TMTC1: variants seen among roughly 807,000 people sequenced by gnomAD.
TMTC1 encodes the protein protein O-mannosyl-transferase TMTC1.
In TMTC1, 73 loss-of-function variants were observed where a neutral mutation model predicts 104.8. That is an observed-to-expected ratio of 0.70 (90% CI 0.58 to 0.85). The LOEUF is 0.85. TMTC1 is among the 40% of genes least tolerant of loss of function. The pLI, the probability that TMTC1 is intolerant of heterozygous loss-of-function variation, is 0.00. For synonymous variants in TMTC1, 434 were observed against 428.7 expected (o/e 1.01, Z -0.15); for missense variants, 1,035 against 1,096.1 (o/e 0.94, Z 0.79).
chr12:29,512,388 A>G (rs1943863978), intron 16 of TMTC1, among the ~76,000 whole-genome samples: 1 of 152,208 alleles, frequency 6.6e-6, no homozygotes, highest in Admixed American at 6.5e-5. Flanking sequence ...GGTGATTTCT[A>G]TTATATCACA....
chr12:29,783,326 G>T lies in TMTC1; in HGVS notation c.302+124C>A. The T allele has an allele frequency of 1.2e-6, 1 of 821,160 alleles. No individual in the cohort carries two copies. The highest frequency in any genetic ancestry group is 1.6e-6 in the Non-Finnish European group (1 of 608,282). The allele number at this position is 821,160 out of a possible 1,614,324, so 50.9% of individuals were successfully genotyped here. A position where few individuals can be genotyped will look rare whatever the true frequency, so the allele number is the denominator to read the frequency against. ...CCATGCACATCCTGGAGAGGAGGGAGGCGTGGAGGGAAAGGGCGGCAAAAA... is the reference window on the plus strand; with the variant it reads ...CCATGCACATCCTGGAGAGGAGGGATGCGTGGAGGGAAAGGGCGGCAAAAA... On this transcript the variant is annotated intron_variant, in intron 1 of 17. Transcript: ENST00000539277. This position sits in a 1 kb window ranked among gnomAD's most constrained non-coding sequence, Gnocchi z 4.7.
rs181021393 is a variant in TMTC1 at position 29,653,957 on chromosome 12, C to T, written c.939-20621G>A. Among the ~76,000 whole-genome samples, 3 of 152,320 alleles carry T rather than the reference C, an allele frequency of 2.0e-5. No homozygotes were observed. The East Asian group carries it at 5.8e-4, about 29-fold the overall frequency. On this transcript the variant is annotated intron_variant, in intron 5 of 17. Transcript: ENST00000539277. ...ATAATCTTCATACAAATACACAGCA[C>T]AAACTAAAGTTTTGTATAACTCGTA...
intron 6 of TMTC1, among the ~76,000 whole-genome samples, chr12:29,618,633 G>A (rs1269720005): frequency 6.6e-6 from 1 of 151,098 alleles, no homozygotes; most frequent in Non-Finnish European, 1.5e-5. Context: ...TAGGCTCCTT[G>A]GGCACTGCAC....
In TMTC1 at chr12:29,539,463, C is replaced by T. The variant is rs191338212; in HGVS notation, c.1677-3146G>A. ...GACAACGGGAAGAACTTTTTCTAGA[C>T]CTCTGCTTTCATATATAAAAATCTT... On this transcript the variant is annotated intron_variant, in intron 10 of 17. Transcript: ENST00000539277. 1.3e-3 allele frequency among the ~76,000 whole-genome samples: 192 copies of T among 152,232 alleles called. 2 individuals carry two copies. The highest frequency in any genetic ancestry group is 2.1e-3 in the Non-Finnish European group (145 of 68,012).
At chr12:29,619,870 A>T (rs1467873354) in intron 6 of TMTC1, among the ~76,000 whole-genome samples, 1 of 152,206 alleles carries the variant, frequency 6.6e-6, no homozygotes, top group East Asian at 1.9e-4. Context: ...ACCTGCACTT[A>T]AAAGTGTGTT....
intron 5 of TMTC1, among the ~76,000 whole-genome samples, chr12:29,704,312 A>G (rs549267938): frequency 1.3e-5 from 2 of 152,352 alleles, no homozygotes; most frequent in Admixed American, 1.3e-4. Context: ...GTATCATCAA[A>G]AACTAAAGTG....
At chr12:29,735,824 G>A (rs971383260) in intron 5 of TMTC1, among the ~76,000 whole-genome samples, 2 of 152,190 alleles carry the variant, frequency 1.3e-5, no homozygotes, top group Non-Finnish European at 2.9e-5. Flanking sequence ...CATCAACCGT[G>A]TAGCAGGTGT....
intron 2 of TMTC1, among the ~76,000 whole-genome samples, chr12:29,762,322 A>T (rs546616151): frequency 6.6e-6 from 1 of 152,322 alleles, no homozygotes; most frequent in South Asian, 2.1e-4. Flanking sequence ...TCATGAGATG[A>T]TATATACATA....
intron 5 of TMTC1, among the ~76,000 whole-genome samples, chr12:29,745,618 C>CAAA (rs71444341): frequency 0.039 from 3,333 of 84,436 alleles, 273 homozygotes; most frequent in African/African-American, 0.13. Flanking sequence ...GAGACTCAAT[C>CAAA]AAAAAAAAAA....
At chr12:29,545,506 G>A (rs1944914773) in intron 10 of TMTC1, among the ~76,000 whole-genome samples, 1 of 152,024 alleles carries the variant, frequency 6.6e-6, no homozygotes, top group African/African-American at 2.4e-5. Context: ...CAAGCATAGT[G>A]GCTCATGCCT....
At chr12:29,659,858 T>C (rs745636812) in intron 5 of TMTC1, 1 of 1,499,024 alleles carries the variant, frequency 6.7e-7, no homozygotes, top group Admixed American at 2.3e-5. Context: ...TACCAAGTTT[T>C]AAAAAAATTA....
At chr12:29,553,017 T>C (rs1236284659) in intron 10 of TMTC1, among the ~76,000 whole-genome samples, 1 of 152,260 alleles carries the variant, frequency 6.6e-6, no homozygotes, top group East Asian at 1.9e-4. Context: ...TCTCTGTTAC[T>C]TAGCAACATA....
intron 5 of TMTC1, among the ~76,000 whole-genome samples, chr12:29,715,114 C>T (rs903604795): frequency 6.6e-6 from 1 of 152,144 alleles, no homozygotes; most frequent in Non-Finnish European, 1.5e-5. Flanking sequence ...AAAATGACTA[C>T]ATATACTGGA....
intron 1 of TMTC1, among the ~76,000 whole-genome samples, chr12:29,778,227 G>C (rs1315738262): frequency 6.6e-6 from 1 of 152,094 alleles, no homozygotes; most frequent in Non-Finnish European, 1.5e-5. Flanking sequence ...AAAGAATCAG[G>C]ATTTTAAAGT....
intron 7 of TMTC1, among the ~76,000 whole-genome samples, chr12:29,585,087 C>T (rs1156935541): frequency 6.7e-6 from 1 of 149,686 alleles, no homozygotes; most frequent in East Asian, 2.0e-4. Context: ...TTCTCCACAT[C>T]CTCTCCAGCA....
intron 5 of TMTC1, among the ~76,000 whole-genome samples, chr12:29,724,495 T>G (rs1367300152): frequency 6.6e-6 from 1 of 152,152 alleles, no homozygotes; most frequent in Non-Finnish European, 1.5e-5. Flanking sequence ...AAACCCAAAT[T>G]TCTTTCCATC....
chr12:29,671,564 A>G (rs1250635937), intron 5 of TMTC1, among the ~76,000 whole-genome samples: 4 of 113,346 alleles, frequency 3.5e-5, no homozygotes, highest in Non-Finnish European at 7.8e-5. Flanking sequence ...TTAAGTGCAT[A>G]CAACAACGAC....
intron 11 of TMTC1, among the ~76,000 whole-genome samples, chr12:29,529,147 G>T (rs573237961): frequency 6.6e-6 from 1 of 152,168 alleles, no homozygotes; most frequent in Non-Finnish European, 1.5e-5. Flanking sequence ...GTGGCTGCTA[G>T]AAAACTACTG....
At chr12:29,675,331 C>T (rs986620934) in intron 5 of TMTC1, among the ~76,000 whole-genome samples, 56 of 152,218 alleles carry the variant, frequency 3.7e-4, no homozygotes, top group African/African-American at 1.3e-3. Context: ...CTAAAGTTTC[C>T]AGATCATAGA....
Sources: gnomAD v4.1 joint callset for allele counts (sites outside exome capture counted in the v4.1 genomes callset) on GRCh38, gnomAD v4.1.1 for gene constraint, Gnocchi (gnomAD v3.1) non-coding constraint, MANE v1.5 for transcripts, NCBI Gene and HGNC (gene_info 2026-07-23, HGNC 2026-07-21) for gene names.